The following PGS1 variants were observed in gnomAD, a reference collection of about 807,000 sequenced individuals.
PGS1 encodes phosphatidylglycerophosphate synthase 1.
A neutral mutation model predicts 58.3 loss-of-function variants in PGS1; 44 were observed. The ratio of observed to expected loss-of-function variants is 0.75; its 90% CI spans 0.59 to 0.97. PGS1 has a LOEUF of 0.97. PGS1 is among the 50% of genes least tolerant of loss of function. The pLI, the probability that PGS1 is intolerant of heterozygous loss-of-function variation, is 0.00. For missense variants in PGS1, 684 were observed against 731.1 expected (o/e 0.94, Z 0.74); for synonymous variants, 330 against 311.0 (o/e 1.06, Z -0.64).
chr17:78,414,268 T>C (rs542346371), intron 7 of PGS1, among the ~76,000 whole-genome samples: 2 of 152,330 alleles, frequency 1.3e-5, no homozygotes, highest in East Asian at 3.9e-4. Context: ...GACCTGTTCT[T>C]ACCAGCCACT....
At chr17:78,390,877 A>G (rs2082774800) in intron 1 of PGS1, among the ~76,000 whole-genome samples, 1 of 152,044 alleles carries the variant, frequency 6.6e-6, no homozygotes, top group Non-Finnish European at 1.5e-5. Flanking sequence ...ACTGGCCAGA[A>G]ATGGTGTGTG....
intron 1 of PGS1, among the ~76,000 whole-genome samples, chr17:78,380,138 T>C (rs1477576188): frequency 6.6e-6 from 1 of 152,124 alleles, no homozygotes. Flanking sequence ...AGTGCTGGGA[T>C]TACAGGCGTG....
chr17:78,420,091 T>C, intron 9 of PGS1: 1 of 1,053,180 alleles, frequency 9.5e-7, no homozygotes, highest in African/African-American at 1.7e-5. Flanking sequence ...GCACGTTTGC[T>C]CGTGAGAGTG....
At chr17:78,420,114 TGCCCTG>T (rs1335884041) in intron 9 of PGS1, 2 of 1,039,118 alleles carry the variant, frequency 1.9e-6, no homozygotes, top group African/African-American at 3.4e-5. Context: ...TCTGGCTTGC[TGCCCTG>T]GCCGGCTGTA....
In PGS1 at chr17:78,424,069, TTGA is replaced by T; in HGVS notation, c.*23_*25del. ...CTCCATGCGGTCCACAGGAATGGCC[TTGA>T]TGAAGATGACAGGCATGGCCGGGGT... On this transcript the variant is annotated 3_prime_UTR_variant, in exon 10 of 10. Coordinates refer to ENST00000262764, the MANE Select transcript of PGS1 (RefSeq NM_024419.5). The T allele has an allele frequency of 6.2e-7, 1 of 1,614,034 alleles. No homozygotes were observed. Among genetic ancestry groups the T allele is most frequent in the Non-Finnish European group, 8.5e-7 (1 of 1,179,886 alleles).
At chr17:78,420,107 G>C in intron 9 of PGS1, 1 of 1,042,998 alleles carries the variant, frequency 9.6e-7, no homozygotes, top group Non-Finnish European at 1.2e-6. Context: ...GAGTGGCTCT[G>C]GCTTGCTGCC....
At chr17:78,396,784 G>A (rs1446291943) in intron 3 of PGS1, among the ~76,000 whole-genome samples, 2 of 152,246 alleles carry the variant, frequency 1.3e-5, no homozygotes, top group Admixed American at 6.5e-5. Flanking sequence ...ATAATATTTT[G>A]TGACTTATGA....
chr17:78,385,150 G>A (rs1257368024), intron 1 of PGS1, among the ~76,000 whole-genome samples: 1 of 152,184 alleles, frequency 6.6e-6, no homozygotes, highest in Non-Finnish European at 1.5e-5. Context: ...ATGGAGTCTT[G>A]CTCTGTCGCC....
rs538625066 is a variant in PGS1, at chr17:78,389,664, C to A, written c.144-2812C>A. Among the ~76,000 whole-genome samples, 27 of 151,374 alleles carry A rather than the reference C, an allele frequency of 1.8e-4. No homozygotes were observed. The South Asian group carries it at 5.7e-3, about 32-fold the overall frequency. The stretch of plus-strand genomic sequence containing the variant: ...AGTCTCACTCTGTCACTCAGGCTGG[C>A]ATGCAGTGGTGCAATCTTGGCTCAC... On this transcript the variant is annotated intron_variant, in intron 1 of 9. Transcript: ENST00000262764.
chr17:78,413,131 A>G (rs563738931), intron 7 of PGS1, among the ~76,000 whole-genome samples: 78 of 152,342 alleles, frequency 5.1e-4, no homozygotes, highest in African/African-American at 1.8e-3. Flanking sequence ...TTATGGCACA[A>G]TGCACACAGG....
At chr17:78,411,449 GCGA>G (rs1567992078) in intron 7 of PGS1, among the ~76,000 whole-genome samples, 1 of 152,146 alleles carries the variant, frequency 6.6e-6, no homozygotes, top group African/African-American at 2.4e-5. Flanking sequence ...TGGTGTCCCC[GCGA>G]CACTTGATTT....
rs2083551324 is a variant in PGS1 at position 78,400,251 on chromosome 17, G to A, written c.702-426G>A. Reference sequence around the variant, plus strand: ...AATACAAAAATTAGCTGGGTGTGGTGGCACACACCTGTAATCCCAGCTACT... The same window carrying A: ...AATACAAAAATTAGCTGGGTGTGGTAGCACACACCTGTAATCCCAGCTACT... On this transcript the variant is annotated intron_variant, in intron 5 of 9. Transcript: ENST00000262764. The surrounding 1 kb of genome is among the most constrained non-coding windows in gnomAD (Gnocchi z 4.4). 6.6e-6 allele frequency among the ~76,000 whole-genome samples: 1 copy of A among 152,088 alleles called. No individual in the cohort carries two copies. Among genetic ancestry groups the A allele is most frequent in the African/African-American group, 2.4e-5 (1 of 41,392 alleles).
chr17:78,387,349 G>T (rs1318100229), intron 1 of PGS1, among the ~76,000 whole-genome samples: 6 of 149,330 alleles, frequency 4.0e-5, no homozygotes, highest in Admixed American at 3.3e-4. Context: ...GCCCAGGCTG[G>T]TGCACAGTGG....
Position 78,424,296 on chromosome 17 carries a change from G to T in PGS1, c.*246G>T. 1.9e-6 allele frequency: 2 copies of T among 1,026,412 alleles called. No individual in the cohort carries two copies. The highest frequency in any genetic ancestry group is 2.7e-6 in the Non-Finnish European group (2 of 727,370). 63.6% of individuals were successfully genotyped at this position (1,026,412 alleles called of 1,614,324 possible). A position where few individuals can be genotyped will look rare whatever the true frequency, so the allele number is the denominator to read the frequency against. ...AGGCTTCAGGCCAGCTGCCACGGCTGGAAGCAGAGGCCTTCGTAGGTGATG... is the reference window on the plus strand; with the variant it reads ...AGGCTTCAGGCCAGCTGCCACGGCTTGAAGCAGAGGCCTTCGTAGGTGATG... On this transcript the variant is annotated 3_prime_UTR_variant, in exon 10 of 10. Coordinates refer to ENST00000262764, the MANE Select transcript of PGS1 (RefSeq NM_024419.5).
chr17:78,384,744 A>G (rs948665742), intron 1 of PGS1, among the ~76,000 whole-genome samples: 5 of 152,152 alleles, frequency 3.3e-5, no homozygotes, highest in Middle Eastern at 3.2e-3. Context: ...TCAAAGTCCT[A>G]CATACCCTGT....
intron 7 of PGS1, among the ~76,000 whole-genome samples, chr17:78,406,985 C>T (rs1364402650): frequency 2.6e-5 from 4 of 152,214 alleles, no homozygotes; most frequent in Non-Finnish European, 4.4e-5. Flanking sequence ...CAGAAACACC[C>T]AACCTGCTTT....
chr17:78,411,082 G>T (rs938346), intron 7 of PGS1, among the ~76,000 whole-genome samples: 151,006 of 152,308 alleles, frequency 0.99, 74,873 homozygotes, highest in Middle Eastern at 1. Flanking sequence ...GGAGGGCCTC[G>T]CTGAGGAGTA....
intron 7 of PGS1, among the ~76,000 whole-genome samples, chr17:78,405,631 G>A (rs1230967220): frequency 5.3e-5 from 8 of 152,212 alleles, no homozygotes. Context: ...TTACTGCATG[G>A]CCTCTTAATG....
intron 9 of PGS1, chr17:78,423,710 T>G: frequency 1.5e-6 from 1 of 655,268 alleles, no homozygotes; most frequent in Non-Finnish European, 2.6e-6. Context: ...GTGGCTCCAC[T>G]GGCTTTAATC....
Sources: gnomAD v4.1 joint callset for allele counts (sites outside exome capture counted in the v4.1 genomes callset) on GRCh38, gnomAD v4.1.1 for gene constraint, Gnocchi (gnomAD v3.1) non-coding constraint, MANE v1.5 for transcripts, NCBI Gene and HGNC (gene_info 2026-07-23, HGNC 2026-07-21) for gene names.